CYP2C19: variants seen among roughly 807,000 people sequenced by gnomAD.
CYP2C19 encodes the protein cytochrome P450 2C19.
Under a neutral mutation model 40.9 loss-of-function variants are expected in CYP2C19, and 59 were observed. The ratio of observed to expected loss-of-function variants is 1.44; its 90% confidence interval spans 1.17 to 1.79. The LOEUF is 1.79. Among genes scored for constraint, CYP2C19 ranks in the 40% most tolerant of loss-of-function variants. CYP2C19 has a pLI of 0.00. For synonymous variants in CYP2C19, 253 were observed against 208.7 expected (o/e 1.21, Z -1.83); for missense variants, 754 against 596.9 (o/e 1.26, Z -2.74).
At chr10:94,792,754 T>C (rs1589354785) in intron 5 of CYP2C19, among the ~76,000 whole-genome samples, 1 of 152,182 alleles carries the variant, frequency 6.6e-6, no homozygotes, top group Non-Finnish European at 1.5e-5. Flanking sequence ...CCTTTGGGGG[T>C]AACCCAACCT....
intron 5 of CYP2C19, among the ~76,000 whole-genome samples, chr10:94,805,812 T>C (rs1848827204): frequency 1.3e-5 from 2 of 152,220 alleles, no homozygotes; most frequent in South Asian, 4.1e-4. Context: ...AGTGTGTCCA[T>C]AGTAACACAA....
chr10:94,805,343 G>A (rs557651670), intron 5 of CYP2C19, among the ~76,000 whole-genome samples: 7 of 152,076 alleles, frequency 4.6e-5, no homozygotes, highest in Non-Finnish European at 1.0e-4. Flanking sequence ...ATGGTGTAGT[G>A]CACTGGTTGA....
At chr10:94,826,438 C>T (rs1033712354) in intron 6 of CYP2C19, among the ~76,000 whole-genome samples, 1 of 152,144 alleles carries the variant, frequency 6.6e-6, no homozygotes, top group Non-Finnish European at 1.5e-5. Context: ...TGGTAGTTCA[C>T]TCATGATTTG....
chr10:94,772,436 G>A (rs1009081274), intron 1 of CYP2C19, among the ~76,000 whole-genome samples: 1 of 152,086 alleles, frequency 6.6e-6, no homozygotes, highest in African/African-American at 2.4e-5. Context: ...TTTTAGAAGC[G>A]GGACTAGCCT....
At position 94,767,883 on chromosome 10, in the gene CYP2C19, G is replaced by C. The variant is rs539726913; in HGVS notation, c.168+5010G>C. Among the ~76,000 whole-genome samples the C allele has an allele frequency of 2.6e-5, 4 of 152,174 alleles. No individual in the cohort carries two copies. The South Asian group carries it at 8.3e-4, about 32-fold the overall frequency. On this transcript the variant is annotated intron_variant, in intron 1 of 8. Transcript: ENST00000371321. ...AATACTGGGGCTTAATCTCTTGGAG[G>C]GGTTTGTTCCATACCAAGTGTCCTT...
At chr10:94,766,299 G>C (rs986498759) in intron 1 of CYP2C19, among the ~76,000 whole-genome samples, 1 of 109,946 alleles carries the variant, frequency 9.1e-6, no homozygotes, top group Admixed American at 7.7e-5. Context: ...GAAGGGGAGG[G>C]GTGATTGAGG....
At position 94,775,273 on chromosome 10, in the gene CYP2C19, A is replaced by G. The variant is rs940001986; in HGVS notation, c.331+53A>G. 1.5e-5 allele frequency: 25 copies of G among 1,613,148 alleles called. No homozygotes were observed. The African/African-American group carries it at 2.3e-4, about 15-fold the overall frequency. On this transcript the variant is annotated intron_variant, in intron 2 of 8. Transcript: ENST00000371321. Reference sequence around the variant, plus strand: ...TCTGTCTTGGGGATGGGGAGGATGGAAAACAGACTAGCAGAGCTTCTCGGG... The same window carrying G: ...TCTGTCTTGGGGATGGGGAGGATGGGAAACAGACTAGCAGAGCTTCTCGGG...
chr10:94,776,829 G>C (rs1848413561), intron 3 of CYP2C19, among the ~76,000 whole-genome samples: 1 of 151,986 alleles, frequency 6.6e-6, no homozygotes. Flanking sequence ...AGAAATAAAT[G>C]GTATTGAAAT....
Position 94,849,935 on chromosome 10 carries a change from T to C in CYP2C19, c.1168T>C (p.Ser390Pro). Residue 390 changes from serine (S) to proline (P), a missense_variant, in exon 8 of 9, where the codon TCC becomes CCC. Physicochemically the swap from Ser to Pro is moderately conservative, Grantham distance 74. Coordinates refer to ENST00000371321, the MANE Select transcript of CYP2C19 (RefSeq NM_000769.4). ...TTTCTAGGGCACAACCATATTAACT[T>C]CCCTCACTTCTGTGCTACATGACAA... is the stretch of plus-strand genomic sequence containing the variant. ...LIPKGTTILT[S>P]LTSVLHDNKE... is the part of the protein sequence containing the mutation. The C allele has an allele frequency of 5.6e-6, 9 of 1,613,728 alleles. No homozygotes were observed. The highest frequency in any genetic ancestry group is 7.6e-6 in the Non-Finnish European group (9 of 1,179,766).
At chr10:94,823,586 A>C (rs1221157131) in intron 6 of CYP2C19, among the ~76,000 whole-genome samples, 1 of 152,222 alleles carries the variant, frequency 6.6e-6, no homozygotes, top group Non-Finnish European at 1.5e-5. Flanking sequence ...ATACTCTGCT[A>C]GACACAGGGT....
chr10:94,849,438 A>G (rs1469308561), intron 7 of CYP2C19, among the ~76,000 whole-genome samples: 2 of 151,382 alleles, frequency 1.3e-5, no homozygotes, highest in African/African-American at 4.9e-5. Flanking sequence ...AGAAAAAAAA[A>G]GAAAAGAATC....
chr10:94,775,747 T>C (rs1351335369), intron 3 of CYP2C19: 1 of 733,268 alleles, frequency 1.4e-6, no homozygotes, highest in East Asian at 2.7e-5. Context: ...ACAGTGTGGG[T>C]ATAAAAGTTC....
At chr10:94,841,292 G>A (rs919175065) in intron 6 of CYP2C19, among the ~76,000 whole-genome samples, 13 of 152,194 alleles carry the variant, frequency 8.5e-5, no homozygotes, top group African/African-American at 2.9e-4. Flanking sequence ...CAAGATTTTA[G>A]CCCTATCGGG....
chr10:94,850,035 A>G lies in CYP2C19; in HGVS notation c.1268A>G (p.Asn423Ser). ...LDEGGNFKKS[N>S]YFMPFSAGKR... ...GAAGGTGGAAATTTTAAGAAAAGTAACTACTTCATGCCTTTCTCAGCAGGT... is the reference window on the plus strand; with the variant it reads ...GAAGGTGGAAATTTTAAGAAAAGTAGCTACTTCATGCCTTTCTCAGCAGGT... The change falls in exon 8 of 9, where the codon AAC becomes AGC. Residue 423 changes from asparagine (N) to serine (S), a missense_variant. Transcript: ENST00000371321. 5 of 1,613,636 alleles carry G rather than the reference A, an allele frequency of 3.1e-6. No homozygotes were observed. The highest frequency in any genetic ancestry group is 4.2e-6 in the Non-Finnish European group (5 of 1,179,680).
intron 6 of CYP2C19, among the ~76,000 whole-genome samples, chr10:94,842,316 T>C (rs992903930): frequency 6.6e-6 from 1 of 151,620 alleles, no homozygotes; most frequent in Non-Finnish European, 1.5e-5. Context: ...ACTCTTCCTC[T>C]TTTTTTTATT....
chr10:94,789,875 G>A (rs1848584729), intron 5 of CYP2C19, among the ~76,000 whole-genome samples: 1 of 152,054 alleles, frequency 6.6e-6, no homozygotes, highest in African/African-American at 2.4e-5. Context: ...TTTGAATTCT[G>A]TGAAGAAACT....
chr10:94,853,330 G>T lies in CYP2C19; in HGVS notation c.*416G>T. On this transcript the variant is annotated 3_prime_UTR_variant, in exon 9 of 9. Coordinates refer to ENST00000371321, the MANE Select transcript of CYP2C19 (RefSeq NM_000769.4). ...CAAATTAAAGAAAATAGAGTTCCAG[G>T]AGGCCATGCTGGTTCTCAAAACGAT... 1 of 399,448 alleles carries T rather than the reference G, an allele frequency of 2.5e-6. No homozygotes were observed. Among genetic ancestry groups the T allele is most frequent in the Non-Finnish European group, 4.6e-6 (1 of 216,266 alleles). 24.7% of individuals were successfully genotyped at this position (399,448 alleles called of 1,614,324 possible). A position where few individuals can be genotyped will look rare whatever the true frequency, so the allele number is the denominator to read the frequency against.
intron 6 of CYP2C19, among the ~76,000 whole-genome samples, chr10:94,836,097 A>G (rs1451667423): frequency 6.6e-6 from 1 of 152,236 alleles, no homozygotes; most frequent in Non-Finnish European, 1.5e-5. Context: ...TTGCACAAGC[A>G]CGCAGTTGCA....
intron 6 of CYP2C19, among the ~76,000 whole-genome samples, chr10:94,835,790 T>C (rs1306255303): frequency 6.6e-6 from 1 of 152,208 alleles, no homozygotes; most frequent in East Asian, 1.9e-4. Flanking sequence ...TTTACCCTTT[T>C]TCCTTTTCCT....
Sources: gnomAD v4.1 joint callset for allele counts (sites outside exome capture counted in the v4.1 genomes callset) on GRCh38, gnomAD v4.1.1 for gene constraint, MANE v1.5 for transcripts, NCBI Gene and HGNC (gene_info 2026-07-23, HGNC 2026-07-21) for gene names.